The following COPG2 variants were observed in gnomAD, a reference collection of about 807,000 sequenced individuals.
COPG2 encodes coat protein complex I subunit gamma 2.
Under a neutral mutation model 46.3 loss-of-function variants are expected in COPG2, and 37 were observed. The ratio of observed to expected loss-of-function variants is 0.80; its 90% CI spans 0.61 to 1.05. The LOEUF (loss-of-function observed/expected upper bound fraction) is 1.05. Among genes scored for constraint, COPG2 ranks in the 50% least tolerant of loss-of-function variants. The pLI, the probability that COPG2 is intolerant of heterozygous loss-of-function variation, is 0.00. For synonymous variants in COPG2, 159 were observed against 129.7 expected, an observed-to-expected ratio of 1.23 and a Z score of -1.53; for missense variants, 427 against 387.8, an observed-to-expected ratio of 1.10 and a Z score of -0.85.
intron 4 of COPG2, among the ~76,000 whole-genome samples, chr7:130,657,957 C>T (rs1351354643): frequency 6.6e-6 from 1 of 152,092 alleles, no homozygotes; most frequent in East Asian, 1.9e-4. Context: ...GGAATGATTA[C>T]AAATATTTTA....
At chr7:130,618,506 G>C (rs1794987366) in intron 5 of COPG2, among the ~76,000 whole-genome samples, 1 of 151,992 alleles carries the variant, frequency 6.6e-6, no homozygotes, top group African/African-American at 2.4e-5. Flanking sequence ...TCATTTGATT[G>C]CATTGTAATG....
rs1253497286 is a variant in COPG2, at chr7:130,548,436, G to C, written c.1944C>G (p.Ile648Met). 5.0e-6 allele frequency: 2 copies of C among 398,506 alleles called. No individual in the cohort carries two copies. The highest frequency in any genetic ancestry group is 8.8e-6 in the Non-Finnish European group (2 of 226,060). The allele number at this position is 398,506 out of a possible 1,614,324, so 24.7% of individuals were successfully genotyped here. Reference protein sequence around the residue: ...EAETEYFVRCIKHMFTNHIVF... With the variant: ...EAETEYFVRCMKHMFTNHIVF... ...CGATGTGATTGGTAAACATGTGCTT[G>C]ATACATCGAACAAAATATTCTGTCT... is the stretch of plus-strand genomic sequence containing the variant. Residue 648 changes from isoleucine to methionine, a missense_variant, in exon 19 of 24, where the codon ATC becomes ATG. Ile to Met is a conservative substitution (Grantham distance 10, BLOSUM62 1). Transcript: ENST00000425248.
intron 20 of COPG2, among the ~76,000 whole-genome samples, chr7:130,544,535 A>C (rs1711759039): frequency 6.6e-6 from 1 of 152,184 alleles, no homozygotes; most frequent in South Asian, 2.1e-4. Flanking sequence ...GATAACAAGA[A>C]ATATGATGCA....
chr7:130,647,011 GTA>G (rs782210531), intron 5 of COPG2, among the ~76,000 whole-genome samples: 1 of 9,744 alleles, frequency 1.0e-4, no homozygotes, highest in African/African-American at 3.4e-4. Context: ...ATATATATAT[GTA>G]TATATATATA....
chr7:130,551,218 G>A (rs1298028238), intron 16 of COPG2, 23 bp downstream of exon 16: 5 of 398,330 alleles, frequency 1.3e-5, no homozygotes, highest in Admixed American at 4.4e-5. Context: ...GAACAAAAGT[G>A]TACATCCTTG....
chr7:130,542,607 A>AAG (rs1793352283), intron 20 of COPG2, among the ~76,000 whole-genome samples: 1 of 152,078 alleles, frequency 6.6e-6, no homozygotes, highest in African/African-American at 2.4e-5. Context: ...CTGGATGTTG[A>AAG]AGATGAAAAG....
At chr7:130,539,988 T>G (rs970395674) in intron 20 of COPG2, among the ~76,000 whole-genome samples, 2 of 146,944 alleles carry the variant, frequency 1.4e-5, no homozygotes, top group African/African-American at 5.1e-5. Flanking sequence ...TGCAGAAGTG[T>G]GAATCTTGGG....
At chr7:130,632,189 G>T (rs1277028383) in intron 5 of COPG2, among the ~76,000 whole-genome samples, 1 of 152,204 alleles carries the variant, frequency 6.6e-6, no homozygotes, top group African/African-American at 2.4e-5. Context: ...ATCTGAGGAA[G>T]TCTTTATTTC....
At chr7:130,557,573 G>A (rs1016198399) in intron 12 of COPG2, among the ~76,000 whole-genome samples, 4 of 151,944 alleles carry the variant, frequency 2.6e-5, no homozygotes, top group Admixed American at 6.6e-5. Context: ...TTGGGAGGTC[G>A]AGGCGGGTGG....
chr7:130,668,613 T>C lies in COPG2; in HGVS notation c.37+19A>G. ...GGCGTCCCGCGGCTGAGGGTGGGCC[T>C]CGGAAGCCCCGCGCGTACCAGACTC... is the stretch of plus-strand genomic sequence containing the variant. On this transcript the variant is annotated intron_variant, in intron 1 of 23. Transcript: ENST00000425248. The C allele has an allele frequency of 2.6e-6, 4 of 1,522,416 alleles. No homozygotes were observed. The highest frequency in any genetic ancestry group is 3.5e-6 in the Non-Finnish European group (4 of 1,136,476). 94.3% of individuals were successfully genotyped at this position (1,522,416 alleles called of 1,614,324 possible).
chr7:130,643,501 G>A (rs1157183055), intron 5 of COPG2, among the ~76,000 whole-genome samples: 1 of 151,992 alleles, frequency 6.6e-6, no homozygotes, highest in Non-Finnish European at 1.5e-5. Flanking sequence ...TTGTTTATAT[G>A]GGGATTAAGA....
At chr7:130,513,309 ATATAT>A (rs1313968235) in intron 20 of COPG2, among the ~76,000 whole-genome samples, 51 of 48,898 alleles carry the variant, frequency 1.0e-3, no homozygotes, top group African/African-American at 3.5e-3. Flanking sequence ...AAAAAAAAAA[ATATAT>A]ATATATATAT....
intron 5 of COPG2, among the ~76,000 whole-genome samples, chr7:130,635,609 T>C (rs1795321287): frequency 6.6e-6 from 1 of 152,150 alleles, no homozygotes; most frequent in Admixed American, 6.5e-5. Flanking sequence ...TCTTTATTAG[T>C]CTGGCTAGCA....
chr7:130,607,455 G>A, intron 9 of COPG2: 1 of 445,582 alleles, frequency 2.2e-6, no homozygotes, highest in Admixed American at 2.6e-5. Flanking sequence ...ACATTGTAAT[G>A]ATATACTGTA....
intron 20 of COPG2, among the ~76,000 whole-genome samples, chr7:130,529,666 A>G (rs1456326478): frequency 1.3e-5 from 2 of 152,194 alleles, no homozygotes; most frequent in Non-Finnish European, 1.5e-5. Flanking sequence ...GGCCAAAGTG[A>G]TTGGTTAAAC....
At chr7:130,528,671 T>C (rs1396463937) in intron 20 of COPG2, among the ~76,000 whole-genome samples, 1 of 150,834 alleles carries the variant, frequency 6.6e-6, no homozygotes, top group East Asian at 2.0e-4. Context: ...TGCTGGGACA[T>C]CAGGGGATGA....
chr7:130,653,074 C>CAAA, intron 4 of COPG2, 126 bp from the exon 5 acceptor site: 1 of 468,734 alleles, frequency 2.1e-6, no homozygotes, highest in East Asian at 4.0e-5. Context: ...TCTCATCTAC[C>CAAA]AAAAAAAAAA....
chr7:130,624,383 T>C (rs1294522935), intron 5 of COPG2, among the ~76,000 whole-genome samples: 1 of 152,240 alleles, frequency 6.6e-6, no homozygotes, highest in African/African-American at 2.4e-5. Context: ...TATTATGTCC[T>C]CTATGTGCTG....
intron 13 of COPG2, 83 bp from the exon 14 acceptor site, chr7:130,554,807 A>C (rs1793593966): frequency 1.8e-5 from 7 of 398,266 alleles, no homozygotes. Flanking sequence ...TTATGCTTAT[A>C]ATATTCAAAT....
Sources: gnomAD v4.1 joint callset for allele counts (sites outside exome capture counted in the v4.1 genomes callset) on GRCh38, gnomAD v4.1.1 for gene constraint, MANE v1.5 for transcripts, NCBI Gene and HGNC (gene_info 2026-07-23, HGNC 2026-07-21) for gene names.